The following SPRR2G variants were observed in gnomAD, a reference collection of about 807,000 sequenced individuals.
SPRR2G encodes the protein small proline rich protein 2G, also known as small proline-rich protein 2G.
Under a neutral mutation model 0.7 loss-of-function variants are expected in SPRR2G, and 1 was observed. The observed-to-expected ratio is 1.49, with a 90% confidence interval of 0.53 to 7.06. SPRR2G has a LOEUF of 7.06. Ranked by LOEUF, SPRR2G falls within the 30% of genes most tolerant of loss-of-function variation. SPRR2G has a pLI of 0.14. For synonymous variants in SPRR2G, 38 were observed against 33.9 expected (o/e 1.12, Z -0.42); for missense variants, 96 against 88.5 (o/e 1.09, Z -0.34).
the SPRR2G span, among the ~76,000 whole-genome samples, chr1:153,170,592 G>C: frequency 2.6e-5 from 4 of 152,280 alleles, no homozygotes; most frequent in Non-Finnish European, 5.9e-5. Context: ...GGACAAGAGA[G>C]AGGAAAGGAG....
the SPRR2G span, among the ~76,000 whole-genome samples, chr1:153,162,310 C>T: frequency 3.3e-5 from 5 of 152,186 alleles, no homozygotes; most frequent in Non-Finnish European, 5.9e-5. Context: ...CCCATAGCTC[C>T]ATCCATGTTC....
the SPRR2G span, among the ~76,000 whole-genome samples, chr1:153,166,677 G>T: frequency 1.4e-4 from 22 of 152,224 alleles, 1 homozygote; most frequent in Middle Eastern, 6.8e-3. Context: ...TCCAAGAATA[G>T]ATATGTCATT....
chr1:153,156,607 T>C, the SPRR2G span, among the ~76,000 whole-genome samples: 1 of 152,162 alleles, frequency 6.6e-6, no homozygotes, highest in South Asian at 2.1e-4. Context: ...TCCCTCACCC[T>C]CACCATTCAC....
the SPRR2G span, among the ~76,000 whole-genome samples, chr1:153,156,091 T>A: frequency 6.6e-6 from 1 of 152,218 alleles, no homozygotes; most frequent in African/African-American, 2.4e-5. Context: ...TAAATAGTTG[T>A]TAAAAAAATA....
chr1:153,186,970 CT>C, the SPRR2G span, among the ~76,000 whole-genome samples: 6 of 152,092 alleles, frequency 3.9e-5, no homozygotes, highest in Non-Finnish European at 8.8e-5. Context: ...CTTAGTTTGG[CT>C]GGATATGAAA....
In SPRR2G at chr1:153,149,790, C is replaced by T; in HGVS notation, c.*99G>A. 1.4e-6 allele frequency: 2 copies of T among 1,449,514 alleles called. No homozygotes were observed. Among genetic ancestry groups the T allele is most frequent in the Admixed American group, 1.8e-5 (1 of 54,622 alleles). The allele number at this position is 1,449,514 out of a possible 1,614,324, so 89.8% of individuals were successfully genotyped here. On this transcript the variant is annotated 3_prime_UTR_variant, in exon 2 of 2. Coordinates refer to ENST00000368748, the MANE Select transcript of SPRR2G (RefSeq NM_001014291.4). ...AGCCAGACAGAGGTTAGGGAAGATG[C>T]AGCCTCCCACTACAGCTGAAGGGAA...
chr1:153,188,019 G>C, the SPRR2G span, among the ~76,000 whole-genome samples: 2 of 152,162 alleles, frequency 1.3e-5, no homozygotes, highest in Admixed American at 6.5e-5. Flanking sequence ...GTTTGCCTGG[G>C]TATTACCAGT....
the SPRR2G span, among the ~76,000 whole-genome samples, chr1:153,172,508 C>A: frequency 6.6e-6 from 1 of 152,204 alleles, no homozygotes; most frequent in East Asian, 1.9e-4. Flanking sequence ...CACAGAGACC[C>A]CAGAGATACT....
chr1:153,172,176 T>C, the SPRR2G span, among the ~76,000 whole-genome samples: 1 of 152,080 alleles, frequency 6.6e-6, no homozygotes, highest in African/African-American at 2.4e-5. Flanking sequence ...CCTTCCAGGG[T>C]CTATCAACAC....
At chr1:153,200,497 T>C in the SPRR2G span, among the ~76,000 whole-genome samples, 1 of 152,212 alleles carries the variant, frequency 6.6e-6, no homozygotes, top group African/African-American at 2.4e-5. Context: ...TACAATTCTA[T>C]GAGTCTAGTG....
chr1:153,186,323 C>A, the SPRR2G span, among the ~76,000 whole-genome samples: 10 of 152,148 alleles, frequency 6.6e-5, no homozygotes, highest in African/African-American at 2.4e-4. Context: ...GTGTTAAAGT[C>A]TCCCACTATT....
the SPRR2G span, among the ~76,000 whole-genome samples, chr1:153,202,936 G>C: frequency 6.6e-6 from 1 of 152,190 alleles, no homozygotes; most frequent in Non-Finnish European, 1.5e-5. Context: ...AAGGAATTCT[G>C]AGAGGCAAAT....
chr1:153,182,591 T>C, the SPRR2G span, among the ~76,000 whole-genome samples: 30 of 152,136 alleles, frequency 2.0e-4, no homozygotes, highest in Non-Finnish European at 1.5e-5. Context: ...CCTCCCTCTG[T>C]CCATGTGTTC....
the SPRR2G span, among the ~76,000 whole-genome samples, chr1:153,192,808 A>G: frequency 6.6e-6 from 1 of 152,220 alleles, no homozygotes; most frequent in Non-Finnish European, 1.5e-5. Flanking sequence ...AATTTCTTAA[A>G]TAAACTTTAA....
At chr1:153,150,174 C>T (rs1656435704) in intron 1 of SPRR2G, 43 bp from the exon 2 acceptor site, 1 of 1,602,504 alleles carries the variant, frequency 6.2e-7, no homozygotes, top group African/African-American at 1.3e-5. Context: ...AGAGACAGTC[C>T]TGTTGGTGGA....
the SPRR2G span, among the ~76,000 whole-genome samples, chr1:153,184,822 T>C: frequency 6.6e-6 from 1 of 152,226 alleles, no homozygotes; most frequent in South Asian, 2.1e-4. Context: ...GCACATTCAG[T>C]ATGATACTGG....
chr1:153,184,738 A>G, the SPRR2G span, among the ~76,000 whole-genome samples: 3 of 152,118 alleles, frequency 2.0e-5, no homozygotes, highest in African/African-American at 7.2e-5. Context: ...TTCCAATACT[A>G]TGTTGAAATA....
the SPRR2G span, among the ~76,000 whole-genome samples, chr1:153,181,430 C>A: frequency 6.6e-6 from 1 of 152,098 alleles, no homozygotes; most frequent in African/African-American, 2.4e-5. Flanking sequence ...TCCTCACTTC[C>A]AGATATTTTG....
the SPRR2G span, among the ~76,000 whole-genome samples, chr1:153,157,659 T>TTTTGG: frequency 9.2e-5 from 14 of 151,976 alleles, no homozygotes; most frequent in South Asian, 6.3e-4. Flanking sequence ...GGTTGGTTTG[T>TTTTGG]TTTGGTTTGG....
Sources: gnomAD v4.1 joint callset for allele counts (sites outside exome capture counted in the v4.1 genomes callset) on GRCh38, gnomAD v4.1.1 for gene constraint, MANE v1.5 for transcripts, NCBI Gene and HGNC (gene_info 2026-07-23, HGNC 2026-07-21) for gene names.